MACF1: variants seen among roughly 807,000 people sequenced by gnomAD.
The protein encoded by MACF1 is microtubule-actin cross-linking factor 1.
Under a neutral mutation model 854.8 loss-of-function variants are expected in MACF1, and 193 were observed. The ratio of observed to expected loss-of-function variants is 0.23; its 90% confidence interval spans 0.20 to 0.25. The LOEUF is 0.25. MACF1 is among the 10% of genes least tolerant of loss of function. The pLI is 1.00. For missense variants in MACF1, 7,722 were observed against 8,929.1 expected (o/e 0.86, Z 5.45); for synonymous variants, 3,185 against 3,226.7 (o/e 0.99, Z 0.44).
intron 2 of MACF1, among the ~76,000 whole-genome samples, chr1:39,139,051 C>G (rs1391153409): frequency 6.6e-6 from 1 of 152,188 alleles, no homozygotes; most frequent in African/African-American, 2.4e-5. Context: ...GCACAAACTA[C>G]GTAATTTTGA....
At chr1:39,255,271 G>A (rs1645084434) in intron 5 of MACF1, among the ~76,000 whole-genome samples, 1 of 152,198 alleles carries the variant, frequency 6.6e-6, no homozygotes, top group Non-Finnish European at 1.5e-5. Context: ...CAGAGCACAA[G>A]TGGTGTGGCC....
Position 39,392,068 on chromosome 1 carries a change from G to A in MACF1, c.15816+3410G>A, listed in dbSNP as rs577211435. ...TAAAATGATCAGTATCCACCCTCAAGTTGGGGATGCAAATCAAAAGCCCTG... is the reference window on the plus strand; with the variant it reads ...TAAAATGATCAGTATCCACCCTCAAATTGGGGATGCAAATCAAAAGCCCTG... On this transcript the variant is annotated intron_variant, in intron 58 of 100. Coordinates refer to ENST00000564288, the MANE Select transcript of MACF1 (RefSeq NM_001394062.1). Among the ~76,000 whole-genome samples, 8 of 152,294 alleles carry A rather than the reference G, an allele frequency of 5.3e-5. No homozygotes were observed. In the South Asian group the frequency reaches 1.4e-3, roughly 28 times the overall value.
At chr1:39,313,836 A>G (rs1646351869) in intron 26 of MACF1, among the ~76,000 whole-genome samples, 1 of 151,976 alleles carries the variant, frequency 6.6e-6, no homozygotes, top group African/African-American at 2.4e-5. Flanking sequence ...GCTGGTCTCC[A>G]ACTCCTGGCT....
intron 2 of MACF1, among the ~76,000 whole-genome samples, chr1:39,110,310 A>C (rs2036465): frequency 0.82 from 120,950 of 148,090 alleles, 49,425 homozygotes; most frequent in South Asian, 0.89. Flanking sequence ...GATCAGGGCT[A>C]ACTGCAGCCT....
intron 58 of MACF1, 26 bp from the exon 59 acceptor site, chr1:39,422,341 GTATTAAA>G: frequency 6.3e-7 from 1 of 1,598,040 alleles, no homozygotes. Context: ...AATAGCCTTT[GTATTAAA>G]TCTTCTTTGG....
chr1:39,415,724 A>G (rs1643278805), intron 58 of MACF1, among the ~76,000 whole-genome samples: 1 of 152,128 alleles, frequency 6.6e-6, no homozygotes, highest in African/African-American at 2.4e-5. Context: ...ACGATGTTCC[A>G]CATCCTTGAG....
chr1:39,462,084 G>T, intron 93 of MACF1, 47 bp downstream of exon 93: 2 of 1,589,998 alleles, frequency 1.3e-6, no homozygotes, highest in South Asian at 1.1e-5. Context: ...CTGTAGGTTT[G>T]TAATATCCTG....
intron 61 of MACF1, among the ~76,000 whole-genome samples, chr1:39,426,945 A>G (rs1307423393): frequency 6.6e-6 from 1 of 152,142 alleles, no homozygotes; most frequent in Non-Finnish European, 1.5e-5. Flanking sequence ...TCTAGTTCAT[A>G]GGCAATATAC....
chr1:39,087,340 C>T (rs1641698161), intron 2 of MACF1, among the ~76,000 whole-genome samples: 1 of 152,228 alleles, frequency 6.6e-6, no homozygotes, highest in Admixed American at 6.5e-5. Flanking sequence ...GTGTCCTGAG[C>T]TGGTCTTAGG....
intron 2 of MACF1, among the ~76,000 whole-genome samples, chr1:39,232,864 C>T (rs1644800015): frequency 6.6e-6 from 1 of 151,674 alleles, no homozygotes; most frequent in African/African-American, 2.4e-5. Flanking sequence ...CTCACTGCAG[C>T]CCTAACCTCC....
chr1:39,217,400 A>G (rs1032077265), intron 1 of MACF1, among the ~76,000 whole-genome samples: 2 of 151,750 alleles, frequency 1.3e-5, no homozygotes, highest in African/African-American at 2.4e-5. Flanking sequence ...TCAGCCTTCC[A>G]AGTAGCTGGA....
intron 1 of MACF1, among the ~76,000 whole-genome samples, chr1:39,217,021 C>T (rs1443068607): frequency 6.6e-6 from 1 of 152,024 alleles, no homozygotes; most frequent in African/African-American, 2.4e-5. Flanking sequence ...GCTCGGTTAC[C>T]TCATTTTTTA....
rs771060389 is a variant in MACF1 at position 39,322,994 on chromosome 1, C to T, written c.4222C>T (p.Leu1408=). The T allele has an allele frequency of 1.2e-6, 2 of 1,613,888 alleles. No individual in the cohort carries two copies. Among genetic ancestry groups the T allele is most frequent in the Non-Finnish European group, 1.7e-6 (2 of 1,179,950 alleles). The change falls in exon 33 of 101, where the codon CTG becomes TTG. Residue 1408 remains leucine (L), a synonymous_variant. Transcript: ENST00000564288. ...VKYISDALRR[L]EEEEKVVEEE... is the part of the protein sequence containing the mutation. ...ATACATCAGTGATGCACTCCGGCGT[C>T]TGGAGGAGGAGGAGGTGAGGACAGT...
At chr1:39,304,428 C>T (rs1044928817) in intron 23 of MACF1, 1 of 1,311,228 alleles carries the variant, frequency 7.6e-7, no homozygotes, top group Non-Finnish European at 1.1e-6. Flanking sequence ...GGTTGACCCT[C>T]TCCACCCTTT....
intron 2 of MACF1, among the ~76,000 whole-genome samples, chr1:39,096,588 CAAAA>C (rs61542154): frequency 7.2e-6 from 1 of 139,172 alleles, no homozygotes; most frequent in Non-Finnish European, 1.5e-5. Context: ...GACTCTATCT[CAAAA>C]AAAAAAAAAA....
At chr1:39,442,932 A>G in intron 78 of MACF1, 21 bp downstream of exon 78, 1 of 1,605,380 alleles carries the variant, frequency 6.2e-7, no homozygotes, top group Non-Finnish European at 8.5e-7. Flanking sequence ...CATCCAAGTA[A>G]GGTAGGAAGA....
At chr1:39,193,126 A>T (rs1046026336) in intron 2 of MACF1, among the ~76,000 whole-genome samples, 5 of 152,170 alleles carry the variant, frequency 3.3e-5, no homozygotes, top group Non-Finnish European at 7.3e-5. Context: ...AATTAAAAAA[A>T]AAAAGAATAT....
intron 41 of MACF1, 45 bp downstream of exon 41, chr1:39,347,255 T>C (rs760546043): frequency 9.9e-6 from 14 of 1,412,544 alleles, no homozygotes; most frequent in Non-Finnish European, 1.0e-6. Context: ...TTTGGGGATG[T>C]CCTCTGTCAT....
chr1:39,197,443 T>G (rs187442459), intron 2 of MACF1, among the ~76,000 whole-genome samples: 1 of 152,310 alleles, frequency 6.6e-6, no homozygotes, highest in East Asian at 1.9e-4. Context: ...TTCCTAGGTG[T>G]TTTTGAATGA....
Sources: gnomAD v4.1 joint callset for allele counts (sites outside exome capture counted in the v4.1 genomes callset) on GRCh38, gnomAD v4.1.1 for gene constraint, MANE v1.5 for transcripts, NCBI Gene and HGNC (gene_info 2026-07-23, HGNC 2026-07-21) for gene names.